Variants in PLEC observed in about 807,000 individuals in gnomAD.
The protein encoded by PLEC is plectin.
PLEC carries 216 observed loss-of-function variants against 392.8 expected under a neutral mutation model. That is an observed-to-expected ratio of 0.55 (90% confidence interval 0.49 to 0.62). PLEC has a LOEUF of 0.62. Ranked by LOEUF, PLEC falls within the 20% of genes least tolerant of loss-of-function variation. The pLI is 0.00. For missense variants in PLEC, 6,863 were observed against 6,563.4 expected (o/e 1.05, Z -1.58); for synonymous variants, 3,621 against 2,980.6 (o/e 1.21, Z -7.00).
At chr8:143,944,909 C>G (rs73377226) in intron 1 of PLEC, among the ~76,000 whole-genome samples, 9 of 152,134 alleles carry the variant, frequency 5.9e-5, no homozygotes, top group African/African-American at 1.9e-4. Context: ...CGCACGGCGC[C>G]AGGGCACCCA....
chr8:143,935,265 C>T lies in PLEC; in HGVS notation c.651G>A (p.Glu217=). Residue 217 remains glutamate (E), a synonymous_variant, in exon 7 of 32, where the codon GAG becomes GAA. Transcript: ENST00000345136. ...MNKVYRQTNL[E]NLDQAFSVAE... Reference sequence around the variant, plus strand: ...CCACAGAGAAGGCCTGGTCCAGGTTCTCCAGGTTGGTCTGCCGGTACACCT... The same window carrying T: ...CCACAGAGAAGGCCTGGTCCAGGTTTTCCAGGTTGGTCTGCCGGTACACCT... The T allele has an allele frequency of 6.2e-7, 1 of 1,611,408 alleles. No individual in the cohort carries two copies. Among genetic ancestry groups the T allele is most frequent in the Non-Finnish European group, 8.5e-7 (1 of 1,179,962 alleles).
intron 25 of PLEC, 115 bp downstream of exon 25, chr8:143,928,988 G>C (rs979225511): frequency 1.0e-5 from 10 of 970,306 alleles, no homozygotes; most frequent in Non-Finnish European, 1.6e-5. Context: ...CTCCTGGCCA[G>C]ATCTCTGAAC....
chr8:143,947,028 A>C (rs1205836494), intron 1 of PLEC, among the ~76,000 whole-genome samples: 5 of 152,076 alleles, frequency 3.3e-5, no homozygotes, highest in African/African-American at 1.2e-4. Flanking sequence ...TCCCATCGTA[A>C]CTACCCCTTA....
rs1246217735 is a variant in PLEC at position 143,917,540 on chromosome 8, T to C, written c.12281A>G (p.Asn4094Ser). Reference sequence around the variant, plus strand: ...CAGGTAGGTGAGGTTCTCCTCCGTGTTAGGGTCAAAGAAGCCCTTGGTGTC... The same window carrying C: ...CAGGTAGGTGAGGTTCTCCTCCGTGCTAGGGTCAAAGAAGCCCTTGGTGTC... ...SDDTKGFFDP[N>S]TEENLTYLQL... The change falls in exon 32 of 32, where the codon AAC (asparagine) becomes AGC (serine). Residue 4094 changes from asparagine (N) to serine (S), a missense_variant. Coordinates refer to ENST00000345136, the MANE Select transcript of PLEC (RefSeq NM_201384.3). 1 of 1,613,864 alleles carries C rather than the reference T, an allele frequency of 6.2e-7. No homozygotes were observed. Among genetic ancestry groups the C allele is most frequent in the African/African-American group, 1.3e-5 (1 of 74,944 alleles).
chr8:143,930,290 C>A lies in PLEC; in HGVS notation c.2466G>T (p.Val822=), dbSNP rs2131775571. 1.2e-6 allele frequency: 2 copies of A among 1,602,752 alleles called. No individual in the cohort carries two copies. The highest frequency in any genetic ancestry group is 4.5e-5 in the East Asian group (2 of 44,750). ...VCDYKQVEVT[V]HKGDECQLVG... is the part of the protein sequence containing the mutation. Reference sequence around the variant, plus strand: ...CCAGCTGGCACTCGTCACCCTTGTGCACAGTCACCTGGGACGGGCAGAGTC... The same window carrying A: ...CCAGCTGGCACTCGTCACCCTTGTGAACAGTCACCTGGGACGGGCAGAGTC... The change falls in exon 21 of 32, where the codon GTG becomes GTT. Residue 822 remains valine (V), a synonymous_variant. Transcript: ENST00000345136.
Position 143,931,638 on chromosome 8 carries a change from C to T in PLEC, c.2200G>A (p.Ala734Thr), listed in dbSNP as rs1554715570. Residue 734 changes from alanine to threonine, a missense_variant, in exon 19 of 32, where the codon GCC becomes ACC. Physicochemically the swap from Ala to Thr is moderately conservative, Grantham distance 58 (BLOSUM62 0). Coordinates refer to ENST00000345136, the MANE Select transcript of PLEC (RefSeq NM_201384.3). Reference sequence around the variant, plus strand: ...TGCAGCTTCTGCAACTGCCCCTCGGCCTCCCGCACATCTGAGAAGAACTGG... The same window carrying T: ...TGCAGCTTCTGCAACTGCCCCTCGGTCTCCCGCACATCTGAGAAGAACTGG... The part of the protein sequence containing the change: ...YFQFFSDVRE[A>T]EGQLQKLQEA... The T allele has an allele frequency of 1.2e-6, 2 of 1,600,606 alleles. No homozygotes were observed. Among genetic ancestry groups the T allele is most frequent in the Non-Finnish European group, 1.7e-6 (2 of 1,174,266 alleles).
rs1301390175 is a variant in PLEC, at chr8:143,973,307, C to G, written c.70+96G>C. Reference sequence around the variant, plus strand: ...ACGAGGCCGGCGGAGTGGCCGCGCTCGGGCCGGCGATCGGGACCGCCACCG... The same window carrying G: ...ACGAGGCCGGCGGAGTGGCCGCGCTGGGGCCGGCGATCGGGACCGCCACCG... On this transcript the variant is annotated intron_variant, in intron 1 of 31. Transcript: ENST00000356346. This position sits in a 1 kb window ranked among gnomAD's most constrained non-coding sequence, Gnocchi z 5.6. The G allele has an allele frequency of 1.3e-5, 19 of 1,465,560 alleles. No individual in the cohort carries two copies. Among genetic ancestry groups the G allele is most frequent in the Admixed American group, 2.0e-5 (1 of 49,086 alleles). The allele number at this position is 1,465,560 out of a possible 1,614,324, so 90.8% of individuals were successfully genotyped here.
chr8:143,927,699 GC>G lies in PLEC; in HGVS notation c.3466del (p.Ala1156HisfsTer132). On this transcript the variant is annotated frameshift_variant, in exon 27 of 32. Coordinates refer to ENST00000345136, the MANE Select transcript of PLEC (RefSeq NM_201384.3). LOFTEE classifies it high-confidence loss of function. ...FDALRDELRG[A>X]QEVGERLQQR... is the part of the protein sequence containing the mutation. ...CTGCAGTCGCTCCCCCACCTCCTGT[GC>G]CCCCCGCAGCTCATCCCGCAGGGCG... 6.3e-7 allele frequency: 1 copy of G among 1,583,192 alleles called. No homozygotes were observed. Among genetic ancestry groups the G allele is most frequent in the Non-Finnish European group, 8.6e-7 (1 of 1,163,606 alleles).
upstream of PLEC, among the ~76,000 whole-genome samples, chr8:143,952,224 A>ACG (rs1564213870): frequency 8.1e-6 from 1 of 123,392 alleles, no homozygotes; most frequent in Non-Finnish European, 1.9e-5. Flanking sequence ...GCACACACGC[A>ACG]CGCGCACGCG....
upstream of PLEC, among the ~76,000 whole-genome samples, chr8:143,942,053 G>T (rs571949875): frequency 9.2e-5 from 14 of 152,248 alleles, no homozygotes; most frequent in Middle Eastern, 3.4e-3. Context: ...CAAGTCCACA[G>T]AAGGCCTGGA....
intron 1 of PLEC, among the ~76,000 whole-genome samples, chr8:143,949,175 G>A (rs557927377): frequency 1.3e-5 from 2 of 152,312 alleles, no homozygotes; most frequent in South Asian, 4.1e-4. Context: ...CCCTAAACTT[G>A]GGCCTCCCCT....
At chr8:143,937,390 GAAAGGGAGGCCACCGGCCCAGGGGCC>G in intron 3 of PLEC, 148 bp from the exon 4 acceptor site, 1 of 675,774 alleles carries the variant, frequency 1.5e-6, no homozygotes, top group Non-Finnish European at 2.6e-6. Flanking sequence ...CCCCCGCAGG[GAAAGGGAGGCCACCGGCCCAGGGGCC>G]AGGCCAGGCC....
chr8:143,956,458 T>C (rs782211691), upstream of PLEC, among the ~76,000 whole-genome samples: 11 of 152,134 alleles, frequency 7.2e-5, no homozygotes, highest in Non-Finnish European at 1.5e-4. Context: ...GTCCCAGCTC[T>C]TTGGGATGCT....
chr8:143,915,934 G>A lies in PLEC; in HGVS notation c.*243C>T, dbSNP rs1586738282. 1 of 364,720 alleles carries A rather than the reference G, an allele frequency of 2.7e-6. No individual in the cohort carries two copies. Among genetic ancestry groups the A allele is most frequent in the East Asian group, 4.9e-5 (1 of 20,336 alleles). The allele number at this position is 364,720 out of a possible 1,614,324, so 22.6% of individuals were successfully genotyped here. On this transcript the variant is annotated 3_prime_UTR_variant, in exon 32 of 32. Transcript: ENST00000345136. ...CTCCAAGGCACCTGGCTGTGTGAGT[G>A]GCAGGTAGAAGGGAGTGAGGAGACC...
intron 1 of PLEC, among the ~76,000 whole-genome samples, chr8:143,963,462 C>T (rs544696833): frequency 6.6e-6 from 1 of 152,274 alleles, no homozygotes; most frequent in Admixed American, 6.5e-5. Flanking sequence ...ACTGGCAACC[C>T]CTTTATTCCT....
upstream of PLEC, among the ~76,000 whole-genome samples, chr8:143,951,090 C>T (rs1422168916): frequency 1.3e-5 from 2 of 152,224 alleles, no homozygotes; most frequent in East Asian, 1.9e-4. Flanking sequence ...CCAGGCCCCA[C>T]GGCTCCAACG....
chr8:143,936,083 A>T, intron 5 of PLEC, 69 bp from the exon 6 acceptor site: 2 of 1,558,090 alleles, frequency 1.3e-6, no homozygotes. Flanking sequence ...CCACAGCCAC[A>T]TGCACAGGGG....
At position 143,933,022 on chromosome 8, in the gene PLEC, A is replaced by G; in HGVS notation, c.1508T>C (p.Val503Ala). 1 of 1,600,774 alleles carries G rather than the reference A, an allele frequency of 6.2e-7. No individual in the cohort carries two copies. The highest frequency in any genetic ancestry group is 8.5e-7 in the Non-Finnish European group (1 of 1,174,972). ...CACACTCTGCAGAGTCACCTGGGCC[A>G]CCTGGGTTGCAGGGGCCGCCACGCC... ...KAGVAAPATQ[V>A]AQVTLQSVQR... Residue 503 changes from valine (V) to alanine (A), a missense_variant, in exon 14 of 32, where the codon GTG becomes GCG. Coordinates refer to ENST00000345136, the MANE Select transcript of PLEC (RefSeq NM_201384.3).
chr8:143,933,328 G>A lies in PLEC; in HGVS notation c.1287C>T (p.Gly429=). 6.2e-7 allele frequency: 1 copy of A among 1,612,230 alleles called. No individual in the cohort carries two copies. Among genetic ancestry groups the A allele is most frequent in the South Asian group, 1.1e-5 (1 of 91,090 alleles). Residue 429 remains glycine, a synonymous_variant, in exon 13 of 32, where the codon GGC becomes GGT. Coordinates refer to ENST00000345136, the MANE Select transcript of PLEC (RefSeq NM_201384.3). ...CCTCCCCCGCCCGCTGTGGCACTTT[G>A]CCTGCAGCCAGCAGCCGGACATCCT... ...LQSDVRLLAA[G]KVPQRAGEVE... is the part of the protein sequence containing the mutation.
Sources: gnomAD v4.1 joint callset for allele counts (sites outside exome capture counted in the v4.1 genomes callset) on GRCh38, gnomAD v4.1.1 for gene constraint, Gnocchi (gnomAD v3.1) non-coding constraint, MANE v1.5 for transcripts, NCBI Gene and HGNC (gene_info 2026-07-23, HGNC 2026-07-21) for gene names.